The following UNC13B variants were observed in gnomAD, a reference collection of about 807,000 sequenced individuals.
UNC13B encodes unc-13 homolog B, also known as protein unc-13 homolog B.
Under a neutral mutation model 211.0 loss-of-function variants are expected in UNC13B, and 144 were observed. That is an observed-to-expected ratio of 0.68 (90% confidence interval 0.60 to 0.78). The LOEUF (loss-of-function observed/expected upper bound fraction) is 0.78, where lower values mean the gene tolerates loss of function less well. Among genes scored for constraint, UNC13B ranks in the 30% least tolerant of loss-of-function variants. UNC13B has a pLI of 0.00. For synonymous variants in UNC13B, 709 were observed against 725.8 expected (o/e 0.98, Z 0.37); for missense variants, 1,777 against 2,002.0 (o/e 0.89, Z 2.14).
intron 11 of UNC13B, among the ~76,000 whole-genome samples, chr9:35,354,862 A>G (rs1333858533): frequency 6.6e-6 from 1 of 152,194 alleles, no homozygotes; most frequent in Admixed American, 6.5e-5. Context: ...TTACAAATAT[A>G]TATATACCCT....
Position 35,394,333 on chromosome 9 carries a change from C to T in UNC13B, c.11309-2143C>T, listed in dbSNP as rs138438926. ...TATATAGGCCAGGCATGGGGGCTCA[C>T]GCCTGTAATCCCAGCACTTTATGGG... On this transcript the variant is annotated intron_variant, in intron 26 of 39. Coordinates refer to ENST00000635942, the MANE Select transcript of UNC13B (RefSeq NM_001371189.2). 1.0e-3 allele frequency among the ~76,000 whole-genome samples: 152 copies of T among 152,276 alleles called. No homozygotes were observed. The East Asian group carries it at 0.017, about 17-fold the overall frequency.
rs1269957493 is a variant in UNC13B at position 35,307,574 on chromosome 9, T to A, written c.8170T>A (p.Phe2724Ile). ...QSTTLETEGH[F>I]SHPLLEDPVL... ...CACCACTCTGGAAACCGAAGGGCAC[T>A]TTTCTCATCCTCTGCTGGAGGACCC... The change falls in exon 9 of 40, where the codon TTT becomes ATT. Residue 2724 changes from phenylalanine (F) to isoleucine (I), a missense_variant. Transcript: ENST00000635942. The A allele has an allele frequency of 1.5e-5, 6 of 398,984 alleles. No homozygotes were observed. The highest frequency in any genetic ancestry group is 1.3e-4 in the Admixed American group (3 of 22,710). 24.7% of individuals were successfully genotyped at this position (398,984 alleles called of 1,614,324 possible). A position where few individuals can be genotyped will look rare whatever the true frequency, so the allele number is the denominator to read the frequency against.
intron 22 of UNC13B, chr9:35,384,592 G>A (rs1439260827): frequency 1.0e-6 from 1 of 985,304 alleles, no homozygotes; most frequent in African/African-American, 1.7e-5. Flanking sequence ...ATTCTCATTA[G>A]GGAGTTTCCT....
intron 7 of UNC13B, among the ~76,000 whole-genome samples, chr9:35,279,685 T>C (rs1190806151): frequency 2.6e-5 from 4 of 152,210 alleles, no homozygotes; most frequent in Admixed American, 2.6e-4. Flanking sequence ...TAGCTAAAAG[T>C]GCGATTGCTG....
intron 1 of UNC13B, among the ~76,000 whole-genome samples, chr9:35,173,126 T>C (rs567784538): frequency 1.4e-4 from 22 of 152,228 alleles, no homozygotes; most frequent in African/African-American, 5.1e-4. Flanking sequence ...TAGCAACCAA[T>C]AAGGGGCTGG....
intron 1 of UNC13B, among the ~76,000 whole-genome samples, chr9:35,190,555 C>T (rs556118815): frequency 1.3e-5 from 2 of 152,026 alleles, no homozygotes; most frequent in African/African-American, 2.4e-5. Context: ...TTCTTCCCCC[C>T]CTCCCCCAAA....
At chr9:35,169,552 T>G (rs1450600838) in intron 1 of UNC13B, among the ~76,000 whole-genome samples, 1 of 152,222 alleles carries the variant, frequency 6.6e-6, no homozygotes, top group East Asian at 1.9e-4. Context: ...CACCCCCTGC[T>G]GAATGTTATT....
chr9:35,184,815 G>C (rs909579946), intron 1 of UNC13B, among the ~76,000 whole-genome samples: 2 of 69,698 alleles, frequency 2.9e-5, no homozygotes, highest in South Asian at 7.2e-4. Context: ...GGGGGGGGGG[G>C]AGAGAGAGAG....
At chr9:35,183,104 G>C (rs550004182) in intron 1 of UNC13B, among the ~76,000 whole-genome samples, 1 of 105,614 alleles carries the variant, frequency 9.5e-6, no homozygotes, top group African/African-American at 3.0e-5. Flanking sequence ...CGGCCTGGCA[G>C]AGGTGCTCCT....
chr9:35,359,169 G>A (rs570885943), intron 11 of UNC13B, among the ~76,000 whole-genome samples: 2 of 152,224 alleles, frequency 1.3e-5, no homozygotes, highest in Non-Finnish European at 2.9e-5. Context: ...AAGAGTTTAT[G>A]TCTGGACTCA....
intron 7 of UNC13B, among the ~76,000 whole-genome samples, chr9:35,281,169 G>A (rs1828462117): frequency 6.6e-6 from 1 of 151,138 alleles, no homozygotes; most frequent in African/African-American, 2.4e-5. Context: ...GGAATTGCTT[G>A]AACCTGGGAG....
At chr9:35,231,468 A>G (rs1237715939) in intron 3 of UNC13B, among the ~76,000 whole-genome samples, 3 of 152,188 alleles carry the variant, frequency 2.0e-5, no homozygotes, top group Admixed American at 6.5e-5. Context: ...TAATGCAGGT[A>G]AACTCCCAAT....
intron 1 of UNC13B, among the ~76,000 whole-genome samples, chr9:35,201,735 T>C (rs554928443): frequency 3.2e-4 from 48 of 152,352 alleles, no homozygotes; most frequent in African/African-American, 1.1e-3. Flanking sequence ...TTTTCTTCTT[T>C]ATTAGTCTTG....
chr9:35,378,582 C>T, intron 17 of UNC13B, 146 bp downstream of exon 17: 2 of 1,094,470 alleles, frequency 1.8e-6, no homozygotes, highest in South Asian at 1.5e-5. Context: ...AGACATCAGC[C>T]ATTCTTTCTC....
At chr9:35,209,424 C>A (rs1459036298) in intron 1 of UNC13B, among the ~76,000 whole-genome samples, 1 of 151,970 alleles carries the variant, frequency 6.6e-6, no homozygotes, top group African/African-American at 2.4e-5. Flanking sequence ...GTCACCCAGG[C>A]TGAAGTGCAG....
In UNC13B at chr9:35,304,935, A is replaced by G. The variant is rs1829855679; in HGVS notation, c.5531A>G (p.Asn1844Ser). Residue 1844 changes from asparagine to serine, a missense_variant, in exon 9 of 40, where the codon AAT becomes AGT. Asn to Ser is a conservative substitution (Grantham distance 46, BLOSUM62 1). Transcript: ENST00000635942. ...IKNIRQEFSLNKNNHVKKQSL... is the reference protein window; with the variant it reads ...IKNIRQEFSLSKNNHVKKQSL... Reference sequence around the variant, plus strand: ...AATATAAGGCAAGAATTCTCTTTAAATAAAAACAACCATGTGAAAAAGCAA... The same window carrying G: ...AATATAAGGCAAGAATTCTCTTTAAGTAAAAACAACCATGTGAAAAAGCAA... 2.5e-6 allele frequency: 1 copy of G among 398,986 alleles called. No individual in the cohort carries two copies. 24.7% of individuals were successfully genotyped at this position (398,986 alleles called of 1,614,324 possible). A position where few individuals can be genotyped will look rare whatever the true frequency, so the allele number is the denominator to read the frequency against.
At chr9:35,227,909 C>T in intron 1 of UNC13B, 106 bp from the exon 2 acceptor site, 1 of 881,890 alleles carries the variant, frequency 1.1e-6, no homozygotes. Flanking sequence ...TTAGATTTAA[C>T]AATCTAAACC....
At chr9:35,297,329 T>A (rs2131807013) in intron 8 of UNC13B, among the ~76,000 whole-genome samples, 1 of 152,048 alleles carries the variant, frequency 6.6e-6, no homozygotes, top group South Asian at 2.1e-4. Flanking sequence ...CCTCAAACGA[T>A]ACGCCTTCCT....
chr9:35,253,047 T>C (rs1041350577), intron 6 of UNC13B, among the ~76,000 whole-genome samples: 2 of 152,238 alleles, frequency 1.3e-5, no homozygotes, highest in African/African-American at 4.8e-5. Context: ...CCTCAGCAAC[T>C]TCTCAAGGTG....
Sources: allele counts gnomAD v4.1 joint callset (sites outside exome capture counted in the v4.1 genomes callset), GRCh38; gene constraint gnomAD v4.1.1; transcripts MANE v1.5; gene names NCBI Gene and HGNC (gene_info 2026-07-23, HGNC 2026-07-21).